Variants in NCAM2 observed in about 807,000 individuals in gnomAD.
NCAM2 encodes N-CAM-2.
Under a neutral mutation model 98.1 loss-of-function variants are expected in NCAM2, and 30 were observed. The observed-to-expected ratio is 0.31, with a 90% CI of 0.23 to 0.41. NCAM2 has a LOEUF of 0.41. Ranked by LOEUF, NCAM2 falls within the 10% of genes least tolerant of loss-of-function variation. NCAM2 has a pLI of 1.00. For synonymous variants in NCAM2, 368 were observed against 342.4 expected (o/e 1.07, Z -0.83); for missense variants, 867 against 1,005.8 (o/e 0.86, Z 1.87).
chr21:21,135,593 G>A (rs2826678), intron 1 of NCAM2, among the ~76,000 whole-genome samples: 60,299 of 151,894 alleles, frequency 0.4, 12,179 homozygotes, highest in African/African-American at 0.48. Flanking sequence ...TTTATATGCC[G>A]TTGGCCTTGA....
At chr21:21,197,537 G>T (rs1272215382) in intron 1 of NCAM2, among the ~76,000 whole-genome samples, 2 of 152,100 alleles carry the variant, frequency 1.3e-5, no homozygotes, top group Non-Finnish European at 2.9e-5. Context: ...AAGAGAAGCC[G>T]CTCTGTTAAA....
chr21:21,383,147 T>G (rs1374637503), intron 9 of NCAM2, among the ~76,000 whole-genome samples: 1 of 152,210 alleles, frequency 6.6e-6, no homozygotes, highest in East Asian at 1.9e-4. Flanking sequence ...AATATTATGT[T>G]GTGCATTCTC....
intron 1 of NCAM2, among the ~76,000 whole-genome samples, chr21:21,255,661 A>G (rs1462748981): frequency 6.6e-6 from 1 of 152,306 alleles, no homozygotes; most frequent in East Asian, 1.9e-4. Flanking sequence ...TAGAATGTAA[A>G]TTTCACAGTG....
rs1454733839 is a variant in NCAM2, at chr21:21,468,694, C to A, written c.1807C>A (p.Pro603Thr). The A allele has an allele frequency of 2.0e-5, 33 of 1,611,748 alleles. No homozygotes were observed. The highest frequency in any genetic ancestry group is 2.7e-5 in the Non-Finnish European group (32 of 1,178,648). The part of the protein sequence containing the change: ...EPSPPSIHGQ[P>T]SSGKSFKLSI... ...AAGTCCTCCATCCATACATGGACAG[C>A]CAAGCAGTGGAAAGAGCTTTAAACT... Residue 603 changes from proline (P) to threonine (T), a missense_variant, in exon 14 of 18, where the codon CCA becomes ACA. This residue lies in a region of NCAM2 where 234 missense variants were observed against 333.8 expected (regional missense o/e 0.70). Coordinates refer to ENST00000400546, the MANE Select transcript of NCAM2 (RefSeq NM_004540.5).
At chr21:21,111,075 A>G (rs1214374153) in intron 1 of NCAM2, among the ~76,000 whole-genome samples, 1 of 152,168 alleles carries the variant, frequency 6.6e-6, no homozygotes, top group Non-Finnish European at 1.5e-5. Context: ...TTCTTAGAGT[A>G]CAGTTTCAGG....
chr21:21,388,571 C>G (rs926282916), intron 9 of NCAM2, among the ~76,000 whole-genome samples: 1 of 152,122 alleles, frequency 6.6e-6, no homozygotes, highest in Admixed American at 6.5e-5. Flanking sequence ...CTGTCCAGTC[C>G]GGCAGCCACT....
chr21:21,510,244 T>G (rs921028406), intron 16 of NCAM2, among the ~76,000 whole-genome samples: 1 of 152,232 alleles, frequency 6.6e-6, no homozygotes, highest in Admixed American at 6.5e-5. Flanking sequence ...GTTGAAGAGT[T>G]TTGACAAATG....
At chr21:21,253,214 T>A (rs1475136747) in intron 1 of NCAM2, among the ~76,000 whole-genome samples, 1 of 152,198 alleles carries the variant, frequency 6.6e-6, no homozygotes, top group South Asian at 2.1e-4. Flanking sequence ...TGGATGGTTA[T>A]GTTTCAAGTT....
At chr21:21,392,311 G>A (rs900344336) in intron 9 of NCAM2, among the ~76,000 whole-genome samples, 4 of 152,120 alleles carry the variant, frequency 2.6e-5, no homozygotes, top group African/African-American at 4.8e-5. Flanking sequence ...ATAGTATTCC[G>A]TGGTGAACAT....
In NCAM2 at chr21:21,452,999, A is replaced by T. The variant is rs868066843; in HGVS notation, c.1655-13607A>T. On this transcript the variant is annotated intron_variant, in intron 12 of 17. Transcript: ENST00000400546. ...TTATATATTATATATTATATTATATAATATATAATATATAAAAATATATAA... is the reference window on the plus strand; with the variant it reads ...TTATATATTATATATTATATTATATTATATATAATATATAAAAATATATAA... Among the ~76,000 whole-genome samples, 351 of 92,122 alleles carry T rather than the reference A, an allele frequency of 3.8e-3. 5 individuals are homozygous for T. Among genetic ancestry groups the T allele is most frequent in the African/African-American group, 0.016 (336 of 20,500 alleles). 60.4% of individuals were successfully genotyped at this position (92,122 alleles called of 152,430 possible).
At chr21:21,476,186 T>A (rs1985145901) in intron 14 of NCAM2, among the ~76,000 whole-genome samples, 1 of 152,084 alleles carries the variant, frequency 6.6e-6, no homozygotes, top group African/African-American at 2.4e-5. Flanking sequence ...GCATCTATTG[T>A]TATAGACAGG....
chr21:21,328,483 A>G (rs1468562656), intron 6 of NCAM2, among the ~76,000 whole-genome samples: 9 of 151,984 alleles, frequency 5.9e-5, no homozygotes, highest in Admixed American at 3.3e-4. Context: ...ATTGCCCCCA[A>G]AAGACCTTGT....
At chr21:21,265,042 C>T (rs1247448030) in intron 1 of NCAM2, among the ~76,000 whole-genome samples, 1 of 94,102 alleles carries the variant, frequency 1.1e-5, no homozygotes, top group Non-Finnish European at 2.3e-5. Flanking sequence ...TATATATGTA[C>T]ACATATATAC....
chr21:21,478,735 G>A (rs539705183), intron 15 of NCAM2, among the ~76,000 whole-genome samples: 5 of 152,130 alleles, frequency 3.3e-5, no homozygotes, highest in South Asian at 2.1e-4. Context: ...TATTTTCAAA[G>A]CCCTTCTGCA....
chr21:21,266,032 A>T (rs1208121839), intron 1 of NCAM2, among the ~76,000 whole-genome samples: 1 of 152,126 alleles, frequency 6.6e-6, no homozygotes, highest in Non-Finnish European at 1.5e-5. Flanking sequence ...CCTATCTAGA[A>T]CTCAGTGATA....
chr21:21,038,974 A>G (rs1413843409), intron 1 of NCAM2, among the ~76,000 whole-genome samples: 1 of 152,186 alleles, frequency 6.6e-6, no homozygotes, highest in African/African-American at 2.4e-5. Flanking sequence ...ATATCACTAA[A>G]GGGTATATTT....
At chr21:21,437,912 T>TTATA (rs145129785) in intron 12 of NCAM2, among the ~76,000 whole-genome samples, 29,861 of 150,128 alleles carry the variant, frequency 0.2, 3,098 homozygotes, top group South Asian at 0.27. Flanking sequence ...AAAGCACATA[T>TTATA]TATATATATA....
At chr21:21,230,395 G>A (rs1303945524) in intron 1 of NCAM2, among the ~76,000 whole-genome samples, 3 of 151,006 alleles carry the variant, frequency 2.0e-5, no homozygotes, top group Admixed American at 6.6e-5. Context: ...AATTGGCCAC[G>A]CTGTCTATTC....
intron 1 of NCAM2, among the ~76,000 whole-genome samples, chr21:21,091,390 G>A (rs1316177246): frequency 6.6e-6 from 1 of 151,980 alleles, no homozygotes; most frequent in Non-Finnish European, 1.5e-5. Context: ...TGTGCCTGTA[G>A]CAAATCTTTT....
Sources: allele counts gnomAD v4.1 joint callset (sites outside exome capture counted in the v4.1 genomes callset), GRCh38; gene constraint gnomAD v4.1.1; regional missense constraint gnomAD v4.1.1; transcripts MANE v1.5; gene names NCBI Gene and HGNC (gene_info 2026-07-23, HGNC 2026-07-21).